PRKCA: variants seen among roughly 807,000 people sequenced by gnomAD.
The protein encoded by PRKCA is protein kinase C alpha type.
PRKCA carries 27 observed loss-of-function variants against 87.0 expected under a neutral mutation model. That is an observed-to-expected ratio of 0.31 (90% CI 0.23 to 0.43). The LOEUF (loss-of-function observed/expected upper bound fraction) is 0.43. PRKCA is among the 20% of genes least tolerant of loss of function. PRKCA has a pLI of 1.00. For missense variants in PRKCA, 518 were observed against 852.3 expected (o/e 0.61, Z 4.88); for synonymous variants, 329 against 311.1 (o/e 1.06, Z -0.61).
chr17:66,612,261 A>G (rs1970389592), intron 3 of PRKCA, among the ~76,000 whole-genome samples: 1 of 151,752 alleles, frequency 6.6e-6, no homozygotes, highest in Non-Finnish European at 1.5e-5. Context: ...GGCGCCTGTA[A>G]TCCCAGCTAT....
At chr17:66,783,683 G>A (rs531002639) in intron 14 of PRKCA, among the ~76,000 whole-genome samples, 243 of 152,284 alleles carry the variant, frequency 1.6e-3, no homozygotes, top group African/African-American at 5.7e-3. Context: ...TGACCTAATC[G>A]TCTTCAAATG....
intron 13 of PRKCA, among the ~76,000 whole-genome samples, chr17:66,770,494 T>C (rs1436162868): frequency 6.6e-6 from 1 of 152,212 alleles, no homozygotes; most frequent in Non-Finnish European, 1.5e-5. Context: ...TGCCCAGTGA[T>C]TACAATGGCA....
intron 14 of PRKCA, chr17:66,777,101 CAGAG>C (rs1158740137): frequency 1.1e-5 from 5 of 450,014 alleles, no homozygotes; most frequent in Non-Finnish European, 1.2e-5. Flanking sequence ...TATTATTTTA[CAGAG>C]AGAGAGTTAA....
At chr17:66,587,124 A>G (rs527522194) in intron 3 of PRKCA, among the ~76,000 whole-genome samples, 45 of 152,158 alleles carry the variant, frequency 3.0e-4, no homozygotes, top group Non-Finnish European at 4.3e-4. Flanking sequence ...GTTGAACGTG[A>G]TAGTATGTTT....
intron 2 of PRKCA, among the ~76,000 whole-genome samples, chr17:66,433,647 CA>C (rs1288314518): frequency 6.6e-6 from 1 of 152,114 alleles, no homozygotes; most frequent in African/African-American, 2.4e-5. Context: ...CGGGTTCAAG[CA>C]ATTCTCAGGC....
At chr17:66,426,102 A>G (rs1486492698) in intron 2 of PRKCA, among the ~76,000 whole-genome samples, 1 of 152,154 alleles carries the variant, frequency 6.6e-6, no homozygotes, top group Non-Finnish European at 1.5e-5. Flanking sequence ...AAATGAGAAA[A>G]GTGTCATTAT....
intron 3 of PRKCA, among the ~76,000 whole-genome samples, chr17:66,559,955 C>G (rs1968629558): frequency 6.6e-6 from 1 of 152,178 alleles, no homozygotes; most frequent in African/African-American, 2.4e-5. Flanking sequence ...TTAATAAGCA[C>G]TGAGCTGTGA....
At chr17:66,724,500 C>T (rs573525219) in intron 8 of PRKCA, among the ~76,000 whole-genome samples, 22 of 152,278 alleles carry the variant, frequency 1.4e-4, no homozygotes, top group African/African-American at 5.3e-4. Context: ...AGATTTGGGA[C>T]ACATCAGCAG....
chr17:66,530,459 A>G (rs558763720), intron 3 of PRKCA, among the ~76,000 whole-genome samples: 100 of 152,324 alleles, frequency 6.6e-4, no homozygotes, highest in African/African-American at 2.4e-3. Context: ...ATTTCTTTTC[A>G]GCTATAGAGA....
intron 6 of PRKCA, among the ~76,000 whole-genome samples, chr17:66,687,645 C>T (rs925130198): frequency 7.9e-5 from 12 of 152,170 alleles, no homozygotes; most frequent in African/African-American, 2.9e-4. Flanking sequence ...AATTTTTAGA[C>T]CACAGAATGA....
intron 2 of PRKCA, among the ~76,000 whole-genome samples, chr17:66,397,890 C>T (rs1475044676): frequency 6.6e-6 from 1 of 152,142 alleles, no homozygotes; most frequent in Non-Finnish European, 1.5e-5. Context: ...CAGGGAGCTC[C>T]TCAGGATAAG....
chr17:66,723,783 CT>C (rs1326379729), intron 8 of PRKCA, among the ~76,000 whole-genome samples: 4 of 152,178 alleles, frequency 2.6e-5, no homozygotes, highest in Non-Finnish European at 5.9e-5. Flanking sequence ...AGTCTTCTTA[CT>C]ACTATATTAC....
At chr17:66,330,104 ATTTT>A (rs5821530) in intron 2 of PRKCA, among the ~76,000 whole-genome samples, 9 of 140,146 alleles carry the variant, frequency 6.4e-5, no homozygotes, top group African/African-American at 1.6e-4. Flanking sequence ...ATTTTCCTGG[ATTTT>A]TTTTTTTTTT....
intron 9 of PRKCA, among the ~76,000 whole-genome samples, chr17:66,733,980 A>T (rs1208650960): frequency 6.6e-6 from 1 of 152,240 alleles, no homozygotes; most frequent in African/African-American, 2.4e-5. Context: ...TAGTGATCTG[A>T]GTTGTCAATC....
intron 2 of PRKCA, among the ~76,000 whole-genome samples, chr17:66,475,969 T>A (rs1471835067): frequency 2.0e-5 from 3 of 152,180 alleles, no homozygotes; most frequent in Non-Finnish European, 2.9e-5. Flanking sequence ...CGATCTCTGC[T>A]CACTTGCAAC....
intron 2 of PRKCA, among the ~76,000 whole-genome samples, chr17:66,342,851 G>C (rs1054047977): frequency 1.3e-5 from 2 of 152,130 alleles, no homozygotes; most frequent in Non-Finnish European, 2.9e-5. Context: ...AGTGAAAATA[G>C]CATGTGGAAC....
chr17:66,423,128 A>G (rs1006920948), intron 2 of PRKCA, among the ~76,000 whole-genome samples: 5 of 151,978 alleles, frequency 3.3e-5, no homozygotes, highest in African/African-American at 1.2e-4. Context: ...AAAAAGTATT[A>G]TTGCAGAGAA....
intron 8 of PRKCA, among the ~76,000 whole-genome samples, chr17:66,719,129 C>T (rs1326598310): frequency 6.6e-6 from 1 of 152,172 alleles, no homozygotes; most frequent in Admixed American, 6.5e-5. Flanking sequence ...CAAGGATGCA[C>T]ACATATTTAG....
intron 3 of PRKCA, among the ~76,000 whole-genome samples, chr17:66,611,698 G>A (rs1970368864): frequency 6.6e-6 from 1 of 152,170 alleles, no homozygotes; most frequent in South Asian, 2.1e-4. Context: ...CTGTACCTAG[G>A]GGTAGAATTG....
Sources: gnomAD v4.1 joint callset for allele counts (sites outside exome capture counted in the v4.1 genomes callset) on GRCh38, gnomAD v4.1.1 for gene constraint, MANE v1.5 for transcripts, NCBI Gene and HGNC (gene_info 2026-07-23, HGNC 2026-07-21) for gene names.